The following BPHL variants were observed in gnomAD, a reference collection of about 807,000 sequenced individuals.
BPHL encodes the protein serine hydrolase BPHL.
BPHL carries 27 observed loss-of-function variants against 31.2 expected under a neutral mutation model. That is an observed-to-expected ratio of 0.87 (90% CI 0.64 to 1.19). The LOEUF is 1.19. Among genes scored for constraint, BPHL ranks in the 50% most tolerant of loss-of-function variants. The probability of loss-of-function intolerance (pLI) is 0.00; values close to 1 mark genes in which losing one functional copy is unlikely to be tolerated. For synonymous variants in BPHL, 150 were observed against 146.8 expected (o/e 1.02, Z -0.16); for missense variants, 356 against 375.7 (o/e 0.95, Z 0.43).
intron 2 of BPHL, 55 bp from the exon 3 acceptor site, chr6:3,127,187 A>T: frequency 8.4e-7 from 1 of 1,191,672 alleles, no homozygotes; most frequent in Non-Finnish European, 1.2e-6. Context: ...TTTTCACTGT[A>T]ATGTGTTTGA....
intron 6 of BPHL, among the ~76,000 whole-genome samples, chr6:3,146,885 G>A (rs1012488191): frequency 2.8e-5 from 4 of 145,136 alleles, no homozygotes; most frequent in South Asian, 2.2e-4. Flanking sequence ...TGGTTTGGGC[G>A]AGTGCTGGTT....
intron 2 of BPHL, among the ~76,000 whole-genome samples, chr6:3,125,519 G>A (rs974335024): frequency 2.0e-5 from 3 of 152,086 alleles, no homozygotes; most frequent in African/African-American, 7.2e-5. Flanking sequence ...GTTTTTTTAA[G>A]TTTTATATTC....
intron 4 of BPHL, among the ~76,000 whole-genome samples, chr6:3,133,312 G>T (rs1010794276): frequency 6.6e-6 from 1 of 151,966 alleles, no homozygotes; most frequent in South Asian, 2.1e-4. Flanking sequence ...CGCCAGCCTC[G>T]TTGGTCCCGT....
intron 1 of BPHL, among the ~76,000 whole-genome samples, chr6:3,123,407 C>G (rs1241000785): frequency 6.6e-6 from 1 of 152,158 alleles, no homozygotes; most frequent in Non-Finnish European, 1.5e-5. Context: ...TCGATAGATA[C>G]AAGGTGTAGT....
intron 6 of BPHL, among the ~76,000 whole-genome samples, chr6:3,148,675 A>G (rs1762443134): frequency 6.6e-6 from 1 of 152,230 alleles, no homozygotes; most frequent in Non-Finnish European, 1.5e-5. Context: ...GCTCAGGTGG[A>G]AGGGAAAACC....
chr6:3,133,480 G>A (rs919515292), intron 4 of BPHL, among the ~76,000 whole-genome samples: 2 of 152,004 alleles, frequency 1.3e-5, no homozygotes, highest in African/African-American at 2.4e-5. Flanking sequence ...TAAAGTTCAG[G>A]CTCCTTCACT....
chr6:3,138,488 A>G (rs140335945), intron 5 of BPHL: 1 of 153,034 alleles, frequency 6.5e-6, no homozygotes, highest in Non-Finnish European at 1.5e-5. Flanking sequence ...CTTGGAGTGC[A>G]TTGTTACAAA....
rs145296964 is a variant in BPHL at position 3,140,480 on chromosome 6, C to T, written c.759C>T (p.Asp253=). ...CTCTGGTCCCACGGTTTCATGCCGACTTCATTCATAAGCACGTGAAAGGCT... is the reference window on the plus strand; with the variant it reads ...CTCTGGTCCCACGGTTTCATGCCGATTTCATTCATAAGCACGTGAAAGGCT... ...KDPLVPRFHA[D]FIHKHVKGSR... is the part of the protein sequence containing the mutation. The change falls in exon 6 of 7, where the codon GAC becomes GAT. Residue 253 remains aspartate, a synonymous_variant. Coordinates refer to ENST00000380379, the MANE Select transcript of BPHL (RefSeq NM_004332.4). The surrounding 1 kb of genome is among the most constrained non-coding windows in gnomAD (Gnocchi z 5.2). 1.1e-5 allele frequency: 17 copies of T among 1,614,006 alleles called. No individual in the cohort carries two copies. The highest frequency in any genetic ancestry group is 1.4e-5 in the Non-Finnish European group (17 of 1,180,030).
intron 6 of BPHL, among the ~76,000 whole-genome samples, chr6:3,144,995 A>G (rs1478935565): frequency 2.6e-5 from 4 of 152,244 alleles, no homozygotes; most frequent in Admixed American, 2.6e-4. Context: ...AGAGGGGTTA[A>G]GAGCACCAGC....
At chr6:3,146,530 TGGTTTGGGTC>T in intron 6 of BPHL, among the ~76,000 whole-genome samples, 1 of 108,868 alleles carries the variant, frequency 9.2e-6, no homozygotes, top group African/African-American at 4.0e-5. Flanking sequence ...GTCGGAGTGC[TGGTTTGGGTC>T]GAGTGCTGGT....
intron 3 of BPHL, among the ~76,000 whole-genome samples, chr6:3,127,610 C>T (rs1761752395): frequency 6.6e-6 from 1 of 152,116 alleles, no homozygotes; most frequent in Non-Finnish European, 1.5e-5. Context: ...CAAATCTTGG[C>T]GGCTCTGCTT....
intron 6 of BPHL, among the ~76,000 whole-genome samples, chr6:3,146,146 T>C (rs867020986): frequency 7.1e-5 from 2 of 28,124 alleles, no homozygotes; most frequent in Non-Finnish European, 1.3e-4. Context: ...CTGGTTCGGG[T>C]TGGAGTGCTG....
At chr6:3,118,383 C>A, upstream of BPHL, 1 of 204,618 alleles carries the variant, frequency 4.9e-6, no homozygotes, top group Non-Finnish European at 9.7e-6. Context: ...GCCGACGCAG[C>A]GAGGGCGCTA....
chr6:3,147,630 A>G (rs141349626), intron 6 of BPHL, among the ~76,000 whole-genome samples: 1 of 152,260 alleles, frequency 6.6e-6, no homozygotes, highest in African/African-American at 2.4e-5. Context: ...AAAAAGAACC[A>G]ACAAGACGTA....
rs570655000 is a variant in BPHL at position 3,146,215 on chromosome 6, G to T, written c.788+5706G>T. Among the ~76,000 whole-genome samples, 103 of 52,410 alleles carry T rather than the reference G, an allele frequency of 2.0e-3. 24 individuals carry two copies. Among genetic ancestry groups the T allele is most frequent in the Middle Eastern group, 9.8e-3 (1 of 102 alleles). The allele number at this position is 52,410 out of a possible 152,430, so 34.4% of individuals were successfully genotyped here. On this transcript the variant is annotated intron_variant, in intron 6 of 6. Transcript: ENST00000380379. Reference sequence around the variant, plus strand: ...CTGGTTCGGGGTGGAGTGCTGGTGTGGGTTGGAGTGCTGGTTCTGGTTGGA... The same window carrying T: ...CTGGTTCGGGGTGGAGTGCTGGTGTTGGTTGGAGTGCTGGTTCTGGTTGGA...
intron 6 of BPHL, among the ~76,000 whole-genome samples, chr6:3,144,921 C>T (rs1762284647): frequency 6.6e-6 from 1 of 152,216 alleles, no homozygotes; most frequent in Non-Finnish European, 1.5e-5. Flanking sequence ...AGGGCCAGAC[C>T]CGGTGGGAAA....
intron 6 of BPHL, among the ~76,000 whole-genome samples, chr6:3,145,928 C>T (rs1169868417): frequency 4.8e-5 from 3 of 62,280 alleles, no homozygotes; most frequent in Admixed American, 1.5e-4. Flanking sequence ...AGTGCTGGTT[C>T]GGGTTGGAGT....
intron 5 of BPHL, chr6:3,139,127 T>C (rs529362194): frequency 1.3e-5 from 2 of 152,304 alleles, no homozygotes; most frequent in South Asian, 2.1e-4. Flanking sequence ...TTCTTGAAGC[T>C]TCGGTTTCCT....
At chr6:3,137,910 C>A in intron 5 of BPHL, 9 of 1,031,408 alleles carry the variant, frequency 8.7e-6, no homozygotes, top group Non-Finnish European at 1.2e-5. Context: ...CCCACGAGGA[C>A]ACTGTTAATC....
Sources: allele counts gnomAD v4.1 joint callset (sites outside exome capture counted in the v4.1 genomes callset), GRCh38; gene constraint gnomAD v4.1.1; non-coding constraint Gnocchi (gnomAD v3.1); transcripts MANE v1.5; gene names NCBI Gene and HGNC (gene_info 2026-07-23, HGNC 2026-07-21).